The following PCLAF variants were observed in gnomAD, a reference collection of about 807,000 sequenced individuals.
The protein encoded by PCLAF is PCNA-associated factor.
In PCLAF, 12 loss-of-function variants were observed where a neutral mutation model predicts 15.1. The observed-to-expected ratio is 0.79, with a 90% CI of 0.51 to 1.29. PCLAF has a LOEUF of 1.29. Among genes scored for constraint, PCLAF ranks in the 50% most tolerant of loss-of-function variants. PCLAF has a pLI of 0.00. For missense variants in PCLAF, 116 were observed against 130.9 expected (o/e 0.89, Z 0.56); for synonymous variants, 33 against 47.1 (o/e 0.70, Z 1.22).
intron 3 of PCLAF, among the ~76,000 whole-genome samples, chr15:64,370,666 G>T (rs1731888251): frequency 1.3e-5 from 2 of 152,040 alleles, no homozygotes; most frequent in African/African-American, 4.8e-5. Flanking sequence ...ACCGCACCCA[G>T]GCTGGAGTGT....
intron 3 of PCLAF, among the ~76,000 whole-genome samples, chr15:64,369,103 C>T (rs1057429301): frequency 7.2e-5 from 11 of 152,046 alleles, no homozygotes; most frequent in Non-Finnish European, 1.0e-4. Flanking sequence ...GGCTGAGGCC[C>T]GTAATCCCAA....
At chr15:64,380,481 T>C (rs1343408447) in intron 2 of PCLAF, among the ~76,000 whole-genome samples, 3 of 151,742 alleles carry the variant, frequency 2.0e-5, no homozygotes, top group African/African-American at 4.8e-5. Flanking sequence ...AGTAGGAGGA[T>C]TGTTTGAGCC....
At chr15:64,382,861 A>C, upstream of PCLAF, 1 of 269,866 alleles carries the variant, frequency 3.7e-6, no homozygotes, top group Non-Finnish European at 7.3e-6. Context: ...GAGTGGCGGC[A>C]TGTGCCTGTA....
chr15:64,370,637 G>A (rs536443611), intron 3 of PCLAF, among the ~76,000 whole-genome samples: 1 of 150,312 alleles, frequency 6.7e-6, no homozygotes, highest in East Asian at 2.0e-4. Flanking sequence ...TCAAAATGTT[G>A]GGATTACAGG....
intron 2 of PCLAF, among the ~76,000 whole-genome samples, 167 bp downstream of exon 2, chr15:64,380,790 TC>T (rs766332087): frequency 4.6e-5 from 7 of 150,640 alleles, no homozygotes; most frequent in African/African-American, 7.3e-5. Flanking sequence ...CCATGAGACC[TC>T]CCCCCCACCT....
At position 64,376,837 on chromosome 15, in the gene PCLAF, C is replaced by T. The variant is rs1454786642; in HGVS notation, c.196G>A (p.Gly66Arg). ...RPTPKWQKGI[G>R]EFFRLSPKDS... ...TTAGGGGACAACCTAAAGAATTCTC[C>T]AATTCCTTTTTGCCACTTGGGAGTT... Residue 66 changes from glycine to arginine, a missense_variant, in exon 3 of 4, where the codon GGA (glycine) becomes AGA (arginine). By Grantham distance (125) the Gly-to-Arg change is moderately radical. Coordinates refer to ENST00000300035, the MANE Select transcript of PCLAF (RefSeq NM_014736.6). The T allele has an allele frequency of 2.5e-6, 4 of 1,613,684 alleles. No individual in the cohort carries two copies. Among genetic ancestry groups the T allele is most frequent in the Middle Eastern group, 1.6e-4 (1 of 6,082 alleles).
At chr15:64,376,117 T>C (rs1478169242) in intron 3 of PCLAF, among the ~76,000 whole-genome samples, 1 of 151,860 alleles carries the variant, frequency 6.6e-6, no homozygotes, top group Non-Finnish European at 1.5e-5. Context: ...CCCAGCTACT[T>C]GGGAGGCTGA....
At chr15:64,374,205 T>C (rs1899485727) in intron 3 of PCLAF, among the ~76,000 whole-genome samples, 1 of 152,192 alleles carries the variant, frequency 6.6e-6, no homozygotes, top group African/African-American at 2.4e-5. Flanking sequence ...GTGAGCATTT[T>C]CCTGTCATTA....
intron 3 of PCLAF, among the ~76,000 whole-genome samples, chr15:64,373,981 T>C (rs1188437762): frequency 6.6e-6 from 1 of 152,202 alleles, no homozygotes; most frequent in East Asian, 1.9e-4. Context: ...CCTTGGTTTT[T>C]TTTTCTGTCC....
At chr15:64,385,773 G>A (rs775343397), upstream of PCLAF, among the ~76,000 whole-genome samples, 1 of 152,136 alleles carries the variant, frequency 6.6e-6, no homozygotes, top group Non-Finnish European at 1.5e-5. Flanking sequence ...CTCTCAATGT[G>A]AGCGGGCACC....
rs1256639897 is a variant in PCLAF at position 64,366,088 on chromosome 15, G to A, written c.291-13C>T. 6.2e-7 allele frequency: 1 copy of A among 1,602,912 alleles called. No homozygotes were observed. Among genetic ancestry groups the A allele is most frequent in the East Asian group, 2.2e-5 (1 of 44,570 alleles). On this transcript the variant is annotated splice_polypyrimidine_tract_variant and intron_variant, in intron 3 of 3. Transcript: ENST00000300035. Reference sequence around the variant, plus strand: ...CAAAGGACATGCTCTGTGAAAAGAAGAGAGAACATCAATAGCCATCCAAGT... The same window carrying A: ...CAAAGGACATGCTCTGTGAAAAGAAAAGAGAACATCAATAGCCATCCAAGT...
chr15:64,372,313 A>G (rs1233554662), intron 3 of PCLAF, among the ~76,000 whole-genome samples: 2 of 152,264 alleles, frequency 1.3e-5, no homozygotes, highest in East Asian at 3.9e-4. Context: ...TTCAATTACC[A>G]CATAGAAAGT....
chr15:64,370,167 T>C (rs1010353582), intron 3 of PCLAF, among the ~76,000 whole-genome samples: 3 of 149,880 alleles, frequency 2.0e-5, no homozygotes, highest in Non-Finnish European at 3.0e-5. Context: ...CAGCCTCGAA[T>C]GCCTGGGCTC....
At position 64,381,418 on chromosome 15, in the gene PCLAF, C is replaced by T. The variant is rs1384758165; in HGVS notation, c.-47G>A. ...AGGAGAGAACGAACTGACTTCCCAG[C>T]CGAGGGTGTTTCACTGGACAAGGAC... is the stretch of plus-strand genomic sequence containing the variant. On this transcript the variant is annotated 5_prime_UTR_variant, in exon 1 of 4. Coordinates refer to ENST00000300035, the MANE Select transcript of PCLAF (RefSeq NM_014736.6). 1.2e-6 allele frequency: 2 copies of T among 1,613,920 alleles called. No homozygotes were observed. The highest frequency in any genetic ancestry group is 2.2e-5 in the South Asian group (2 of 91,068).
At chr15:64,386,664 G>A (rs932431468) in intron 1 of PCLAF, among the ~76,000 whole-genome samples, 4 of 151,650 alleles carry the variant, frequency 2.6e-5, no homozygotes, top group Non-Finnish European at 4.4e-5. Flanking sequence ...GTGTGTCTCC[G>A]TGTGCGCTCG....
At chr15:64,373,461 T>C in intron 3 of PCLAF, 1 of 539,278 alleles carries the variant, frequency 1.9e-6, no homozygotes, top group Non-Finnish European at 2.9e-6. Flanking sequence ...TTTTAGTGTA[T>C]GGGTTGGAGA....
At position 64,377,486 on chromosome 15, in the gene PCLAF, AAAATATATATATATATATATAT is replaced by A. The variant is rs1392476654; in HGVS notation, c.128-603_128-582del. On this transcript the variant is annotated intron_variant, in intron 2 of 3. Coordinates refer to ENST00000300035, the MANE Select transcript of PCLAF (RefSeq NM_014736.6). The stretch of plus-strand genomic sequence containing the variant: ...ACTCTGTCTCAAAAAAAAAAAAAAA[AAAATATATATATATATATATAT>A]ATATATATATATATATATATATATA... 4.7e-3 allele frequency among the ~76,000 whole-genome samples: 192 copies of A among 40,810 alleles called. 12 individuals are homozygous for A. The highest frequency in any genetic ancestry group is 0.032 in the South Asian group (32 of 1,012). The allele number at this position is 40,810 out of a possible 152,430, so 26.8% of individuals were successfully genotyped here. A position where few individuals can be genotyped will look rare whatever the true frequency, so the allele number is the denominator to read the frequency against.
At chr15:64,372,789 T>A (rs922687732) in intron 3 of PCLAF, among the ~76,000 whole-genome samples, 3 of 152,058 alleles carry the variant, frequency 2.0e-5, no homozygotes, top group African/African-American at 4.8e-5. Context: ...CTGGCCAACA[T>A]GGTGAATCCC....
intron 3 of PCLAF, among the ~76,000 whole-genome samples, chr15:64,376,267 A>C (rs774745086): frequency 6.6e-6 from 1 of 152,168 alleles, no homozygotes; most frequent in African/African-American, 2.4e-5. Context: ...AGTTATAATA[A>C]GAAATTAGAA....
Sources: gnomAD v4.1 joint callset for allele counts (sites outside exome capture counted in the v4.1 genomes callset) on GRCh38, gnomAD v4.1.1 for gene constraint, MANE v1.5 for transcripts, NCBI Gene and HGNC (gene_info 2026-07-23, HGNC 2026-07-21) for gene names.